CRYL1: variants seen among roughly 807,000 people sequenced by gnomAD.
CRYL1 encodes crystallin lambda 1.
Under a neutral mutation model 36.6 loss-of-function variants are expected in CRYL1, and 29 were observed. The ratio of observed to expected loss-of-function variants is 0.79; its 90% CI spans 0.59 to 1.08. CRYL1 has a LOEUF of 1.08. CRYL1 is among the 50% of genes least tolerant of loss of function. CRYL1 has a pLI of 0.00. For missense variants in CRYL1, 411 were observed against 407.9 expected, an observed-to-expected ratio of 1.01 and a Z score of -0.06; for synonymous variants, 152 against 151.5, an observed-to-expected ratio of 1.00 and a Z score of -0.02.
chr13:20,502,976 A>T (rs7139857), intron 2 of CRYL1, among the ~76,000 whole-genome samples: 106,459 of 152,048 alleles, frequency 0.7, 38,340 homozygotes, highest in Admixed American at 0.79. Context: ...TGCACAGCAC[A>T]CAGGATCATG....
intron 4 of CRYL1, among the ~76,000 whole-genome samples, chr13:20,432,561 A>G (rs1490227920): frequency 6.6e-6 from 1 of 152,160 alleles, no homozygotes; most frequent in Non-Finnish European, 1.5e-5. Flanking sequence ...GCTATCCTGT[A>G]TGTTTATGGC....
chr13:20,441,878 T>C (rs1013488730), intron 3 of CRYL1, among the ~76,000 whole-genome samples: 3 of 152,220 alleles, frequency 2.0e-5, no homozygotes, highest in Middle Eastern at 3.4e-3. Flanking sequence ...AATCAAACCA[T>C]GTGAATCTTT....
intron 2 of CRYL1, among the ~76,000 whole-genome samples, chr13:20,499,578 G>A (rs7491804): frequency 0.5 from 75,795 of 151,298 alleles, 20,014 homozygotes; most frequent in South Asian, 0.59. Context: ...GCGTGAACCC[G>A]AGAGCAGAGC....
At chr13:20,507,714 C>T (rs183089586) in intron 2 of CRYL1, among the ~76,000 whole-genome samples, 2,008 of 151,870 alleles carry the variant, frequency 0.013, 53 homozygotes, top group African/African-American at 0.045. Flanking sequence ...GTCAGGAGAT[C>T]GAGACCATCC....
Position 20,451,602 on chromosome 13 carries a change from T to C in CRYL1, c.277-11848A>G, listed in dbSNP as rs1220904691. The stretch of plus-strand genomic sequence containing the variant: ...ACAATGAGATACCATCTCACACCAG[T>C]CAAAGTGGCTATTACTAAAGTTGAA... On this transcript the variant is annotated intron_variant, in intron 3 of 7. Transcript: ENST00000298248. Among the ~76,000 whole-genome samples, 5 of 152,076 alleles carry C rather than the reference T, an allele frequency of 3.3e-5. No homozygotes were observed. The East Asian group carries it at 9.6e-4, about 29-fold the overall frequency.
At chr13:20,421,136 G>A (rs2031801994) in intron 5 of CRYL1, among the ~76,000 whole-genome samples, 1 of 152,070 alleles carries the variant, frequency 6.6e-6, no homozygotes, top group Non-Finnish European at 1.5e-5. Context: ...GAGTACTTCA[G>A]GCCCCAGTGC....
intron 3 of CRYL1, among the ~76,000 whole-genome samples, chr13:20,479,308 C>A (rs563702032): frequency 1.4e-4 from 22 of 152,088 alleles, no homozygotes; most frequent in Non-Finnish European, 3.2e-4. Flanking sequence ...ACACATGACT[C>A]CTGAAGGTGT....
At chr13:20,451,756 A>C (rs9509218) in intron 3 of CRYL1, among the ~76,000 whole-genome samples, 113,629 of 152,098 alleles carry the variant, frequency 0.75, 42,823 homozygotes, top group Admixed American at 0.81. Flanking sequence ...ACAGATCTAC[A>C]ATTTGACCCA....
intron 2 of CRYL1, among the ~76,000 whole-genome samples, chr13:20,507,741 A>T (rs544031970): frequency 6.6e-6 from 1 of 151,914 alleles, no homozygotes; most frequent in South Asian, 2.1e-4. Flanking sequence ...ACACAGTGAA[A>T]CCCCGTCTCT....
chr13:20,420,701 T>TTTTTTTTTTGTG lies in CRYL1; in HGVS notation c.634-7315_634-7314insCACAAAAAAAAA. On this transcript the variant is annotated intron_variant, in intron 5 of 7. Transcript: ENST00000298248. ...CTTTGACTTTTCTTTAAAATAGAGG[T>TTTTTTTTTTGTG]TGTGTGTGTGTGTGTGTGTGTGTGT... 8.5e-3 allele frequency among the ~76,000 whole-genome samples: 185 copies of TTTTTTTTTTGTG among 21,872 alleles called. 43 individuals carry two copies. Among genetic ancestry groups the TTTTTTTTTTGTG allele is most frequent in the East Asian group, 0.048 (23 of 482 alleles). The allele number at this position is 21,872 out of a possible 152,430, so 14.3% of individuals were successfully genotyped here.
chr13:20,413,503 A>G (rs2031576256), intron 5 of CRYL1, 116 bp from the exon 6 acceptor site: 1 of 636,412 alleles, frequency 1.6e-6, no homozygotes. Context: ...AAAGCACTAT[A>G]CAGGGTGAGT....
At chr13:20,507,514 C>T (rs2033814647) in intron 2 of CRYL1, among the ~76,000 whole-genome samples, 1 of 152,198 alleles carries the variant, frequency 6.6e-6, no homozygotes, top group South Asian at 2.1e-4. Flanking sequence ...CACGGGTCTC[C>T]TCTTCCCTTG....
Position 20,466,705 on chromosome 13 carries a change from T to A in CRYL1, c.276+22665A>T, listed in dbSNP as rs9552193. 5.3e-5 allele frequency among the ~76,000 whole-genome samples: 8 copies of A among 151,404 alleles called. No individual in the cohort carries two copies. In the South Asian group the frequency reaches 1.0e-3, roughly 20 times the overall value. On this transcript the variant is annotated intron_variant, in intron 3 of 7. Coordinates refer to ENST00000298248, the MANE Select transcript of CRYL1 (RefSeq NM_015974.3). ...CTCTGTGTGTGTGTGTGTGTGTGTGTGTGTGTAGTTGAAGTTGCACCTGCT... is the reference window on the plus strand; with the variant it reads ...CTCTGTGTGTGTGTGTGTGTGTGTGAGTGTGTAGTTGAAGTTGCACCTGCT...
chr13:20,505,264 G>A (rs2033772108), intron 2 of CRYL1, among the ~76,000 whole-genome samples: 1 of 151,096 alleles, frequency 6.6e-6, no homozygotes, highest in South Asian at 2.1e-4. Flanking sequence ...GGCTGAAGGA[G>A]GAGAATTGCT....
Position 20,405,263 on chromosome 13 carries a change from T to C in CRYL1, c.740-522A>G, listed in dbSNP as rs567170479. ...TCCGGCCTGGGCAACAGAGCGAGAC[T>C]CCGTCTCAAAAAAAAAAAAAAAGTG... On this transcript the variant is annotated intron_variant, in intron 6 of 7. Transcript: ENST00000298248. Among the ~76,000 whole-genome samples the C allele has an allele frequency of 1.1e-4, 16 of 149,176 alleles. No homozygotes were observed. The South Asian group carries it at 3.4e-3, about 32-fold the overall frequency.
intron 2 of CRYL1, among the ~76,000 whole-genome samples, chr13:20,509,731 C>A (rs1216737406): frequency 6.6e-6 from 1 of 152,102 alleles, no homozygotes; most frequent in Non-Finnish European, 1.5e-5. Context: ...AGTTTGAGAC[C>A]AGCCTGGTCA....
intron 5 of CRYL1, chr13:20,426,821 C>T: frequency 1.0e-6 from 1 of 985,514 alleles, no homozygotes; most frequent in Non-Finnish European, 1.2e-6. Flanking sequence ...CTCAGGGCCC[C>T]ATCCAGATGC....
chr13:20,472,261 T>C (rs1304816879), intron 3 of CRYL1, among the ~76,000 whole-genome samples: 1 of 152,198 alleles, frequency 6.6e-6, no homozygotes, highest in African/African-American at 2.4e-5. Flanking sequence ...TAATACCTTA[T>C]ACAGTGTAAA....
At chr13:20,507,078 G>C (rs1029437574) in intron 2 of CRYL1, among the ~76,000 whole-genome samples, 1 of 152,190 alleles carries the variant, frequency 6.6e-6, no homozygotes, top group Non-Finnish European at 1.5e-5. Flanking sequence ...GAGATGTGCC[G>C]TTCACCTTCA....
Sources: gnomAD v4.1 joint callset for allele counts (sites outside exome capture counted in the v4.1 genomes callset) on GRCh38, gnomAD v4.1.1 for gene constraint, MANE v1.5 for transcripts, NCBI Gene and HGNC (gene_info 2026-07-23, HGNC 2026-07-21) for gene names.